Variants in EVL observed in about 807,000 individuals in gnomAD.
The protein encoded by EVL is Enah/Vasp-like.
A neutral mutation model predicts 59.6 loss-of-function variants in EVL; 21 were observed. That is an observed-to-expected ratio of 0.35 (90% CI 0.25 to 0.51). The LOEUF (loss-of-function observed/expected upper bound fraction) is 0.51, where lower values mean the gene tolerates loss of function less well. Ranked by LOEUF, EVL falls within the 20% of genes least tolerant of loss-of-function variation. The pLI, the probability that EVL is intolerant of heterozygous loss-of-function variation, is 0.97. For synonymous variants in EVL, 198 were observed against 203.5 expected (o/e 0.97, Z 0.23); for missense variants, 462 against 546.6 (o/e 0.85, Z 1.54).
chr14:100,095,221 T>C (rs1397016959), intron 2 of EVL, among the ~76,000 whole-genome samples: 1 of 152,248 alleles, frequency 6.6e-6, no homozygotes, highest in Non-Finnish European at 1.5e-5. Flanking sequence ...CCATTCCTGA[T>C]ATAAGGTGGT....
chr14:100,090,735 G>C (rs1172091668), intron 2 of EVL, among the ~76,000 whole-genome samples: 6 of 152,058 alleles, frequency 3.9e-5, no homozygotes, highest in Non-Finnish European at 8.8e-5. Flanking sequence ...TAAAAACTGA[G>C]GAAACTAGGA....
intron 3 of EVL, among the ~76,000 whole-genome samples, chr14:100,104,685 C>A (rs908279512): frequency 4.6e-5 from 7 of 152,194 alleles, no homozygotes; most frequent in African/African-American, 1.4e-4. Context: ...TAACAGTTAC[C>A]AGTCCTCATA....
At position 100,065,801 on chromosome 14, in the gene EVL, A is replaced by T. The variant is rs368352090; in HGVS notation, c.11+290A>T. 2.0e-5 allele frequency among the ~76,000 whole-genome samples: 3 copies of T among 152,218 alleles called. No individual in the cohort carries two copies. In the East Asian group the frequency reaches 5.8e-4, roughly 29 times the overall value. ...TAGAAATTAGCACCTGCCTCTCATT[A>T]TAGGGAGGAGGGTCTGAGCCATCTA... On this transcript the variant is annotated intron_variant, in intron 1 of 13. Coordinates refer to ENST00000392920, the MANE Select transcript of EVL (RefSeq NM_016337.3).
chr14:99,990,030 AT>A (rs2060865404), intron 1 of EVL, among the ~76,000 whole-genome samples: 1 of 152,214 alleles, frequency 6.6e-6, no homozygotes, highest in Non-Finnish European at 1.5e-5. Context: ...GAATTAAAAT[AT>A]GGCAATCATT....
rs368376778 is a variant in EVL, at chr14:100,129,572, G to A, written c.727G>A (p.Ala243Thr). 8.1e-6 allele frequency: 13 copies of A among 1,613,574 alleles called. No homozygotes were observed. The highest frequency in any genetic ancestry group is 5.0e-5 in the Admixed American group (3 of 60,014). ...CCTCCTTTTTCCTCAGCCAGAAGAC[G>A]CATCTGGAGGCTCCAGTCCCAGTGG... ...KLRRVQRPED[A>T]SGGSSPSGTS... The change falls in exon 7 of 14, where the codon GCA (alanine) becomes ACA (threonine). Residue 243 changes from alanine to threonine, a missense_variant. Ala to Thr is a moderately conservative substitution (Grantham distance 58, BLOSUM62 0). Transcript: ENST00000392920.
chr14:100,111,590 T>A (rs187354546), intron 3 of EVL, among the ~76,000 whole-genome samples: 24 of 152,000 alleles, frequency 1.6e-4, no homozygotes, highest in Non-Finnish European at 2.5e-4. Flanking sequence ...GAGTGCCCAA[T>A]CCCTAGATAC....
In EVL at chr14:100,109,286, C is replaced by T. The variant is rs1456962948; in HGVS notation, c.358+11628C>T. On this transcript the variant is annotated intron_variant, in intron 3 of 13. Transcript: ENST00000392920. The surrounding 1 kb of genome is among the most constrained non-coding windows in gnomAD (Gnocchi z 4.3). ...AAGGGGCCCCGCCCCTGCCCTCATG[C>T]ATGTTCTCTCCATACTCCTGGTCAC... is the stretch of plus-strand genomic sequence containing the variant. The T allele has an allele frequency of 1.2e-5, 4 of 337,966 alleles. No homozygotes were observed. The highest frequency in any genetic ancestry group is 4.2e-5 in the Admixed American group (1 of 23,690). The allele number at this position is 337,966 out of a possible 1,614,324, so 20.9% of individuals were successfully genotyped here. A position where few individuals can be genotyped will look rare whatever the true frequency, so the allele number is the denominator to read the frequency against.
At chr14:100,072,914 C>T (rs532394993) in intron 1 of EVL, among the ~76,000 whole-genome samples, 72 of 152,340 alleles carry the variant, frequency 4.7e-4, no homozygotes, top group African/African-American at 1.7e-3. Flanking sequence ...AGGTTGCTGT[C>T]TAGTCCAGGC....
At chr14:100,107,138 C>A (rs1247104986) in intron 3 of EVL, 9 of 398,684 alleles carry the variant, frequency 2.3e-5, no homozygotes, top group Middle Eastern at 6.2e-4. Flanking sequence ...GTGCCCCATG[C>A]TGCTCCTCTT....
intron 1 of EVL, among the ~76,000 whole-genome samples, chr14:100,040,830 T>C (rs745964585): frequency 1.3e-5 from 2 of 152,206 alleles, no homozygotes; most frequent in Admixed American, 1.3e-4. Flanking sequence ...AATGTGGGCA[T>C]GGAAGAGCAA....
chr14:100,025,643 G>T (rs1004123653), intron 1 of EVL, among the ~76,000 whole-genome samples: 13 of 152,280 alleles, frequency 8.5e-5, no homozygotes, highest in Non-Finnish European at 1.8e-4. Flanking sequence ...AAAATACACA[G>T]TTGGCGGGGC....
rs2060973831 is a variant in EVL, at chr14:100,005,654, CACACACACACACACA to C, written c.5+33598_5+33612del. Among the ~76,000 whole-genome samples the C allele has an allele frequency of 3.9e-5, 6 of 152,052 alleles. No individual in the cohort carries two copies. The East Asian group carries it at 1.2e-3, about 29-fold the overall frequency. On this transcript the variant is annotated intron_variant, in intron 1 of 13. Transcript: ENST00000402714. Reference sequence around the variant, plus strand: ...ATACACACACACACACACACACACACACACACACACACACACCCCTTGGATGTTACCTTTTAATTA... The same window carrying C: ...ATACACACACACACACACACACACACCCCCTTGGATGTTACCTTTTAATTA...
upstream of EVL, among the ~76,000 whole-genome samples, chr14:100,064,136 T>G (rs2140267818): frequency 6.6e-6 from 1 of 152,372 alleles, no homozygotes; most frequent in African/African-American, 2.4e-5. Flanking sequence ...AAATGCATTT[T>G]TAGCATTCAA....
chr14:100,123,666 C>T, intron 4 of EVL, 64 bp downstream of exon 4: 1 of 1,564,740 alleles, frequency 6.4e-7, no homozygotes, highest in Non-Finnish European at 8.8e-7. Context: ...GCCAGGGGTG[C>T]CTTCAGCGGG....
intron 1 of EVL, among the ~76,000 whole-genome samples, chr14:100,024,160 A>T (rs2061172706): frequency 6.6e-6 from 1 of 152,266 alleles, no homozygotes; most frequent in Non-Finnish European, 1.5e-5. Context: ...TTTTAAACAA[A>T]AACATCATGG....
chr14:100,125,280 AC>A (rs1887998332), intron 4 of EVL, among the ~76,000 whole-genome samples: 1 of 151,892 alleles, frequency 6.6e-6, no homozygotes, highest in African/African-American at 2.4e-5. Flanking sequence ...ACACACACAC[AC>A]ACACACACAC....
At chr14:100,120,653 C>T (rs1402863866) in intron 3 of EVL, among the ~76,000 whole-genome samples, 2 of 152,140 alleles carry the variant, frequency 1.3e-5, no homozygotes, top group East Asian at 1.9e-4. Context: ...ATGGTGGGGC[C>T]GGGCCCAGTG....
intron 3 of EVL, among the ~76,000 whole-genome samples, chr14:100,097,934 C>T (rs1271188096): frequency 1.3e-5 from 2 of 152,148 alleles, no homozygotes; most frequent in Non-Finnish European, 2.9e-5. Flanking sequence ...TTTAAACTTG[C>T]CATCCTGTTT....
At chr14:99,984,677 G>A (rs960250719) in intron 1 of EVL, among the ~76,000 whole-genome samples, 1 of 152,084 alleles carries the variant, frequency 6.6e-6, no homozygotes, top group South Asian at 2.1e-4. Flanking sequence ...GCAGTGGTGC[G>A]ATCTCGGCTC....
Sources: allele counts gnomAD v4.1 joint callset (sites outside exome capture counted in the v4.1 genomes callset), GRCh38; gene constraint gnomAD v4.1.1; non-coding constraint Gnocchi (gnomAD v3.1); transcripts MANE v1.5; gene names NCBI Gene and HGNC (gene_info 2026-07-23, HGNC 2026-07-21).